The following PRICKLE1 variants were observed in gnomAD, a reference collection of about 807,000 sequenced individuals.
PRICKLE1 encodes prickle planar cell polarity protein 1, also known as prickle-like protein 1.
In PRICKLE1, 14 loss-of-function variants were observed where a neutral mutation model predicts 70.2. The observed-to-expected ratio is 0.20, with a 90% CI of 0.13 to 0.31. The LOEUF (loss-of-function observed/expected upper bound fraction) is 0.31. PRICKLE1 is among the 10% of genes least tolerant of loss of function. PRICKLE1 has a pLI of 1.00. For synonymous variants in PRICKLE1, 357 were observed against 379.9 expected (o/e 0.94, Z 0.70); for missense variants, 821 against 1,026.2 (o/e 0.80, Z 2.73).
At chr12:42,537,969 C>T (rs187977803) in intron 1 of PRICKLE1, among the ~76,000 whole-genome samples, 10 of 152,272 alleles carry the variant, frequency 6.6e-5, no homozygotes, top group Non-Finnish European at 2.9e-5. Flanking sequence ...AACACTTTCC[C>T]AAGGTCATCC....
intron 1 of PRICKLE1, among the ~76,000 whole-genome samples, chr12:42,560,305 T>C (rs1475326440): frequency 6.6e-6 from 1 of 151,974 alleles, no homozygotes; most frequent in Non-Finnish European, 1.5e-5. Context: ...GGCTAATTTT[T>C]GTATTTTTAG....
intron 1 of PRICKLE1, among the ~76,000 whole-genome samples, chr12:42,556,839 T>G (rs1940420197): frequency 6.6e-6 from 1 of 152,100 alleles, no homozygotes; most frequent in Non-Finnish European, 1.5e-5. Flanking sequence ...TCACCAGTAG[T>G]TTTTATGCTT....
At chr12:42,560,450 G>A (rs1940492253) in intron 1 of PRICKLE1, among the ~76,000 whole-genome samples, 1 of 151,936 alleles carries the variant, frequency 6.6e-6, no homozygotes, top group Non-Finnish European at 1.5e-5. Context: ...AATTATTTGG[G>A]TATTTACATT....
intron 1 of PRICKLE1, among the ~76,000 whole-genome samples, chr12:42,531,763 G>T (rs1332840481): frequency 6.6e-6 from 1 of 152,138 alleles, no homozygotes; most frequent in Non-Finnish European, 1.5e-5. Flanking sequence ...AACTGCTAAT[G>T]ATCAGAATGA....
At chr12:42,543,251 G>C (rs1204712285) in intron 1 of PRICKLE1, among the ~76,000 whole-genome samples, 1 of 152,138 alleles carries the variant, frequency 6.6e-6, no homozygotes, top group African/African-American at 2.4e-5. Flanking sequence ...CTAAGATTCA[G>C]GCTAAATGTT....
At chr12:42,541,243 A>C (rs1442917512) in intron 1 of PRICKLE1, among the ~76,000 whole-genome samples, 1 of 152,190 alleles carries the variant, frequency 6.6e-6, no homozygotes, top group African/African-American at 2.4e-5. Context: ...ATATAAGGAA[A>C]AAATTACTCA....
chr12:42,502,886 G>A (rs964825391), intron 1 of PRICKLE1, among the ~76,000 whole-genome samples: 2 of 152,122 alleles, frequency 1.3e-5, no homozygotes, highest in African/African-American at 4.8e-5. Context: ...TTTTGAGGAG[G>A]AAAAATCCAG....
chr12:42,498,422 C>A (rs1038880981), intron 1 of PRICKLE1, among the ~76,000 whole-genome samples: 6 of 152,118 alleles, frequency 3.9e-5, no homozygotes, highest in African/African-American at 1.4e-4. Flanking sequence ...CATCCTCCCA[C>A]CTTGGCCTCC....
At chr12:42,532,661 G>T (rs1939939660) in intron 1 of PRICKLE1, among the ~76,000 whole-genome samples, 1 of 152,142 alleles carries the variant, frequency 6.6e-6, no homozygotes, top group Non-Finnish European at 1.5e-5. Flanking sequence ...ACTTTGGGAG[G>T]CTGAGGCGGG....
intron 1 of PRICKLE1, among the ~76,000 whole-genome samples, chr12:42,525,392 A>G (rs10880311): frequency 0.49 from 74,361 of 151,988 alleles, 18,773 homozygotes; most frequent in East Asian, 0.72. Flanking sequence ...ACCCAAGGAG[A>G]GGGTCGAGGG....
intron 1 of PRICKLE1, among the ~76,000 whole-genome samples, chr12:42,493,450 A>G (rs1939139773): frequency 6.6e-6 from 1 of 152,230 alleles, no homozygotes; most frequent in African/African-American, 2.4e-5. Context: ...ACCAGAAAAA[A>G]AAGATCTGAC....
At chr12:42,525,767 T>G (rs1939789598) in intron 1 of PRICKLE1, among the ~76,000 whole-genome samples, 3 of 151,866 alleles carry the variant, frequency 2.0e-5, no homozygotes, top group African/African-American at 7.3e-5. Context: ...CATCTTTCTG[T>G]GCCTCCATTT....
chr12:42,588,629 C>T (rs1941022921), intron 1 of PRICKLE1, among the ~76,000 whole-genome samples: 1 of 151,970 alleles, frequency 6.6e-6, no homozygotes, highest in Admixed American at 6.6e-5. Context: ...GCTTGTGATC[C>T]TGAACCCTCC....
chr12:42,530,708 A>C (rs1342675506), intron 1 of PRICKLE1, among the ~76,000 whole-genome samples: 2 of 97,486 alleles, frequency 2.1e-5, no homozygotes, highest in African/African-American at 8.0e-5. Flanking sequence ...TTTTTTGAGC[A>C]GAGTCTCACT....
chr12:42,542,253 A>G (rs1592014714), intron 1 of PRICKLE1, among the ~76,000 whole-genome samples: 1 of 150,356 alleles, frequency 6.7e-6, no homozygotes, highest in Non-Finnish European at 1.5e-5. Flanking sequence ...TTTTTTTTTT[A>G]TGCTGTCAAA....
At chr12:42,470,409 C>G (rs776325091) in intron 2 of PRICKLE1, 50 bp from the exon 3 acceptor site, 2 of 1,218,406 alleles carry the variant, frequency 1.6e-6, no homozygotes, top group African/African-American at 1.5e-5. Flanking sequence ...CTGAGCATCT[C>G]AGCTCACTTA....
chr12:42,506,260 T>TTTC (rs869137151), intron 1 of PRICKLE1, among the ~76,000 whole-genome samples: 1 of 5,656 alleles, frequency 1.8e-4, no homozygotes, highest in African/African-American at 3.7e-4. Flanking sequence ...TCTTTCTTTC[T>TTTC]TTTTTTTTTT....
intron 1 of PRICKLE1, chr12:42,483,461 C>G (rs116954793): frequency 3.3e-5 from 5 of 152,020 alleles, no homozygotes; most frequent in African/African-American, 1.2e-4. Context: ...GCCGCCCGCC[C>G]GCTCTGCGTC....
At chr12:42,588,537 G>C (rs2120827770) in intron 1 of PRICKLE1, among the ~76,000 whole-genome samples, 1 of 151,270 alleles carries the variant, frequency 6.6e-6, no homozygotes, top group African/African-American at 2.4e-5. Context: ...CTTTAGGCTG[G>C]TTCCCGTGGT....
Sources: allele counts gnomAD v4.1 joint callset (sites outside exome capture counted in the v4.1 genomes callset), GRCh38; gene constraint gnomAD v4.1.1; transcripts MANE v1.5; gene names NCBI Gene and HGNC (gene_info 2026-07-23, HGNC 2026-07-21).